The following MAD1L1 variants were observed in gnomAD, a reference collection of about 807,000 sequenced individuals.
MAD1L1 encodes mitotic spindle assembly checkpoint protein MAD1.
MAD1L1 carries 95 observed loss-of-function variants against 96.9 expected under a neutral mutation model. The ratio of observed to expected loss-of-function variants is 0.98; its 90% CI spans 0.83 to 1.16. MAD1L1 has a LOEUF of 1.16. Among genes scored for constraint, MAD1L1 ranks in the 50% most tolerant of loss-of-function variants. The pLI is 0.00. For synonymous variants in MAD1L1, 473 were observed against 396.6 expected (o/e 1.19, Z -2.29); for missense variants, 1,007 against 954.4 (o/e 1.06, Z -0.73).
Position 2,103,573 on chromosome 7 carries a change from C to A in MAD1L1, c.1074-34235G>T, listed in dbSNP as rs3778970. ...CAGATGGGCCAGCACTGGGGCAAAG[C>A]CCACCACCAGGCAGCCCTGGGAGCC... is the stretch of plus-strand genomic sequence containing the variant. On this transcript the variant is annotated intron_variant, in intron 11 of 18. Coordinates refer to ENST00000265854, the MANE Select transcript of MAD1L1 (RefSeq NM_001013836.2). The surrounding 1 kb of genome is among the most constrained non-coding windows in gnomAD (Gnocchi z 4.3). Among the ~76,000 whole-genome samples, 44,900 of 152,016 alleles carry A rather than the reference C, an allele frequency of 0.3. 8,189 individuals carry two copies. The highest frequency in any genetic ancestry group is 0.51 in the East Asian group (2,609 of 5,136).
At chr7:1,885,192 G>C (rs1210008675) in intron 18 of MAD1L1, among the ~76,000 whole-genome samples, 2 of 152,154 alleles carry the variant, frequency 1.3e-5, no homozygotes, top group African/African-American at 4.8e-5. Flanking sequence ...CCGGGCTCCT[G>C]CATGGACGCC....
chr7:2,161,448 C>A (rs552038068), intron 10 of MAD1L1, among the ~76,000 whole-genome samples: 1 of 152,172 alleles, frequency 6.6e-6, no homozygotes, highest in South Asian at 2.1e-4. Context: ...GTGATCTCGG[C>A]TCGCTACAAC....
chr7:2,176,850 A>C (rs1790972009), intron 10 of MAD1L1, among the ~76,000 whole-genome samples: 1 of 152,264 alleles, frequency 6.6e-6, no homozygotes, highest in Admixed American at 6.5e-5. Context: ...CATCAATAAT[A>C]CAAAATTCTT....
intron 14 of MAD1L1, among the ~76,000 whole-genome samples, chr7:1,981,830 G>T (rs1780921591): frequency 1.3e-5 from 2 of 152,188 alleles, no homozygotes; most frequent in African/African-American, 4.8e-5. Context: ...AACAGGGCAG[G>T]ATATGCTAAT....
At chr7:1,949,257 C>T (rs886064308) in intron 16 of MAD1L1, among the ~76,000 whole-genome samples, 7 of 152,204 alleles carry the variant, frequency 4.6e-5, no homozygotes, top group Middle Eastern at 3.4e-3. Context: ...CCTACCAAGT[C>T]CATGGAAAGG....
At chr7:1,841,944 C>T (rs1429182721) in intron 18 of MAD1L1, among the ~76,000 whole-genome samples, 1 of 152,210 alleles carries the variant, frequency 6.6e-6, no homozygotes, top group African/African-American at 2.4e-5. Context: ...GCCGTCACCA[C>T]CCCAGCCCTC....
At chr7:2,221,846 C>T (rs1194036773) in intron 5 of MAD1L1, among the ~76,000 whole-genome samples, 1 of 152,154 alleles carries the variant, frequency 6.6e-6, no homozygotes, top group Non-Finnish European at 1.5e-5. Flanking sequence ...GAAATTGGAG[C>T]CCTCAGCCAG....
At chr7:2,035,186 C>T (rs1239947498) in intron 12 of MAD1L1, among the ~76,000 whole-genome samples, 2 of 152,270 alleles carry the variant, frequency 1.3e-5, no homozygotes, top group East Asian at 1.9e-4. Flanking sequence ...CCCAGGGACA[C>T]GCAGACCACA....
At chr7:2,122,588 C>G (rs1454256608) in intron 11 of MAD1L1, among the ~76,000 whole-genome samples, 1 of 151,690 alleles carries the variant, frequency 6.6e-6, no homozygotes, top group Non-Finnish European at 1.5e-5. Context: ...GGCGACAGAG[C>G]GAGACTCTGT....
In MAD1L1 at chr7:2,084,336, G is replaced by A. The variant is rs1015960650; in HGVS notation, c.1074-14998C>T. Among the ~76,000 whole-genome samples, 9 of 152,368 alleles carry A rather than the reference G, an allele frequency of 5.9e-5. No individual in the cohort carries two copies. In the East Asian group the frequency reaches 9.6e-4, roughly 16 times the overall value. On this transcript the variant is annotated intron_variant, in intron 11 of 18. Transcript: ENST00000265854. ...CGCCACAGAGACAGCCACGGGCAGC[G>A]CGAGGCCAGGAATGCCAAGGGCCAT...
intron 15 of MAD1L1, among the ~76,000 whole-genome samples, chr7:1,967,767 G>C (rs1383465484): frequency 6.6e-6 from 1 of 152,244 alleles, no homozygotes; most frequent in Non-Finnish European, 1.5e-5. Context: ...GGCCGGCCGC[G>C]GGGAGATCAC....
At chr7:2,165,667 G>A (rs756592479) in intron 10 of MAD1L1, among the ~76,000 whole-genome samples, 6 of 101,300 alleles carry the variant, frequency 5.9e-5, no homozygotes, top group South Asian at 7.1e-4. Context: ...CAAAACACGC[G>A]TCTCAGCTCA....
chr7:2,208,676 A>G (rs1366722945), intron 10 of MAD1L1, among the ~76,000 whole-genome samples: 1 of 152,104 alleles, frequency 6.6e-6, no homozygotes, highest in Non-Finnish European at 1.5e-5. Context: ...CTACTGAAAC[A>G]GGTGATTTTC....
chr7:1,860,955 G>A (rs1178340787), intron 18 of MAD1L1, among the ~76,000 whole-genome samples: 1 of 152,200 alleles, frequency 6.6e-6, no homozygotes. Context: ...CTTGCCTGGA[G>A]GGGCTAGTCT....
chr7:2,120,768 G>A (rs1178362832), intron 11 of MAD1L1, among the ~76,000 whole-genome samples: 1 of 152,264 alleles, frequency 6.6e-6, no homozygotes, highest in African/African-American at 2.4e-5. Context: ...GGGACAGGAG[G>A]CGGGAGGCAG....
chr7:2,060,563 G>A (rs889385299), intron 12 of MAD1L1, among the ~76,000 whole-genome samples: 9 of 152,122 alleles, frequency 5.9e-5, no homozygotes, highest in African/African-American at 2.2e-4. Context: ...TGCTTCACCT[G>A]GACACAGGGA....
chr7:1,888,079 G>T (rs1035674082), intron 18 of MAD1L1, among the ~76,000 whole-genome samples: 5 of 149,122 alleles, frequency 3.4e-5, no homozygotes. Context: ...GGCTGTGCAT[G>T]CATGAGCATG....
intron 12 of MAD1L1, among the ~76,000 whole-genome samples, chr7:2,024,241 T>C (rs570463652): frequency 6.6e-6 from 1 of 152,088 alleles, no homozygotes; most frequent in Admixed American, 6.5e-5. Flanking sequence ...GCCCAGAAAT[T>C]TGATAACTTA....
At chr7:1,964,091 GGT>G (rs1562566328) in intron 15 of MAD1L1, among the ~76,000 whole-genome samples, 1 of 152,182 alleles carries the variant, frequency 6.6e-6, no homozygotes, top group Non-Finnish European at 1.5e-5. Context: ...TCACAGAGCT[GGT>G]AAGGGGCCTG....
Sources: gnomAD v4.1 joint callset for allele counts (sites outside exome capture counted in the v4.1 genomes callset) on GRCh38, gnomAD v4.1.1 for gene constraint, Gnocchi (gnomAD v3.1) non-coding constraint, MANE v1.5 for transcripts, NCBI Gene and HGNC (gene_info 2026-07-23, HGNC 2026-07-21) for gene names.